EIF4E3: variants seen among roughly 807,000 people sequenced by gnomAD.
EIF4E3 encodes eukaryotic translation initiation factor 4E type 3.
In EIF4E3, 26 loss-of-function variants were observed where a neutral mutation model predicts 31.7. The observed-to-expected ratio is 0.82, with a 90% confidence interval of 0.60 to 1.14. The LOEUF is 1.14. Ranked by LOEUF, EIF4E3 falls within the 50% of genes most tolerant of loss-of-function variation. The probability of loss-of-function intolerance (pLI) is 0.00; values close to 1 mark genes in which losing one functional copy is unlikely to be tolerated. For synonymous variants in EIF4E3, 128 were observed against 107.7 expected, an observed-to-expected ratio of 1.19 and a Z score of -1.17; for missense variants, 304 against 270.9, an observed-to-expected ratio of 1.12 and a Z score of -0.86.
intron 1 of EIF4E3, 63 bp from the exon 2 acceptor site, chr3:71,710,547 C>T (rs2049363586): frequency 6.7e-7 from 1 of 1,487,130 alleles, no homozygotes; most frequent in Non-Finnish European, 9.2e-7. Flanking sequence ...CACAAAACAG[C>T]CCACAGTAGA....
intron 1 of EIF4E3, among the ~76,000 whole-genome samples, chr3:71,735,694 C>T (rs2049755653): frequency 6.6e-6 from 1 of 151,822 alleles, no homozygotes; most frequent in Non-Finnish European, 1.5e-5. Context: ...CATGAAGGGC[C>T]CATGAAGTCA....
intron 4 of EIF4E3, among the ~76,000 whole-genome samples, chr3:71,695,872 T>C (rs2049128999): frequency 6.6e-6 from 1 of 152,222 alleles, no homozygotes; most frequent in South Asian, 2.1e-4. Context: ...TAAGATGAAT[T>C]AGAGCTCACT....
At chr3:71,731,682 C>A (rs777743991) in intron 1 of EIF4E3, among the ~76,000 whole-genome samples, 2 of 152,194 alleles carry the variant, frequency 1.3e-5, no homozygotes. Flanking sequence ...CTCCTAATTT[C>A]TTGTCTTTCT....
At chr3:71,703,248 G>A (rs78730707) in intron 2 of EIF4E3, among the ~76,000 whole-genome samples, 2,435 of 152,268 alleles carry the variant, frequency 0.016, 40 homozygotes, top group African/African-American at 0.037. Context: ...GAATGCAGGA[G>A]GGTCAGCTTT....
At chr3:71,711,275 A>T (rs1449218583) in intron 1 of EIF4E3, among the ~76,000 whole-genome samples, 2 of 152,222 alleles carry the variant, frequency 1.3e-5, no homozygotes, top group Admixed American at 1.3e-4. Context: ...ATATTGAATT[A>T]GCAGTTCATG....
At position 71,675,664 on chromosome 3, in the gene EIF4E3, T is replaced by C. The variant is rs2048869834; in HGVS notation, c.*9018A>G. Reference sequence around the variant, plus strand: ...AACTACTTGTGTGACCTTGAACGAATTCTTTATACTTTCTGGGTCATTTCT... The same window carrying C: ...AACTACTTGTGTGACCTTGAACGAACTCTTTATACTTTCTGGGTCATTTCT... On this transcript the variant is annotated 3_prime_UTR_variant, in exon 7 of 7. Coordinates refer to ENST00000425534, the MANE Select transcript of EIF4E3 (RefSeq NM_001134651.2). 1 of 152,226 alleles carries C rather than the reference T, an allele frequency of 6.6e-6. No homozygotes were observed. The allele number at this position is 152,226 out of a possible 1,614,324, so 9.4% of individuals were successfully genotyped here. A position where few individuals can be genotyped will look rare whatever the true frequency, so the allele number is the denominator to read the frequency against.
chr3:71,666,560 T>C, the EIF4E3 span, among the ~76,000 whole-genome samples: 8 of 151,564 alleles, frequency 5.3e-5, no homozygotes, highest in African/African-American at 1.2e-4. Context: ...TTCCAAACAA[T>C]AGAAAAAAAG....
intron 1 of EIF4E3, among the ~76,000 whole-genome samples, chr3:71,743,594 AT>A (rs2049842440): frequency 6.6e-6 from 1 of 152,196 alleles, no homozygotes; most frequent in Non-Finnish European, 1.5e-5. Context: ...AGTAGGCTTT[AT>A]CATAGAATTA....
intron 1 of EIF4E3, among the ~76,000 whole-genome samples, chr3:71,738,207 T>G (rs2049782921): frequency 6.6e-6 from 1 of 152,172 alleles, no homozygotes; most frequent in African/African-American, 2.4e-5. Flanking sequence ...GAGTCTAGTT[T>G]CTCTAGCCAA....
chr3:71,710,602 G>A, intron 1 of EIF4E3, 118 bp from the exon 2 acceptor site: 1 of 892,912 alleles, frequency 1.1e-6, no homozygotes, highest in Non-Finnish European at 1.7e-6. Flanking sequence ...CCACAGGACT[G>A]GACATTTTGG....
upstream of EIF4E3, chr3:71,754,038 G>A (rs576804706): frequency 3.3e-6 from 4 of 1,222,606 alleles, no homozygotes; most frequent in Admixed American, 4.1e-5. This position sits in a 1 kb window ranked among gnomAD's most constrained non-coding sequence, Gnocchi z 5.8. Context: ...CGCACGGCCT[G>A]GTGAGGCCGC....
the EIF4E3 span, among the ~76,000 whole-genome samples, chr3:71,660,309 T>C: frequency 1.3e-5 from 2 of 151,488 alleles, no homozygotes; most frequent in Admixed American, 6.6e-5. Context: ...GTGATGACCA[T>C]CTGTGTATAA....
intron 1 of EIF4E3, among the ~76,000 whole-genome samples, chr3:71,738,919 A>G (rs1476857466): frequency 6.7e-6 from 1 of 149,422 alleles, no homozygotes; most frequent in African/African-American, 2.5e-5. Flanking sequence ...TAACAAATGT[A>G]AAATAAATCA....
downstream of EIF4E3, among the ~76,000 whole-genome samples, chr3:71,673,928 T>A (rs1313540387): frequency 6.3e-5 from 9 of 142,798 alleles, no homozygotes; most frequent in Admixed American, 2.3e-4. Flanking sequence ...TATATATATA[T>A]ATAAAAAACA....
chr3:71,711,436 G>A lies in EIF4E3; in HGVS notation c.177-952C>T, dbSNP rs149187672. On this transcript the variant is annotated intron_variant, in intron 1 of 6. Coordinates refer to ENST00000425534, the MANE Select transcript of EIF4E3 (RefSeq NM_001134651.2). ...AATCACAGCTGACCCACTAGGATCT[G>A]GAATCTATAAAAGCAATGCTCTTTA... is the stretch of plus-strand genomic sequence containing the variant. 1.2e-4 allele frequency among the ~76,000 whole-genome samples: 19 copies of A among 152,298 alleles called. No individual in the cohort carries two copies. The East Asian group carries it at 3.5e-3, about 28-fold the overall frequency.
chr3:71,708,830 C>T (rs780143302), intron 2 of EIF4E3, among the ~76,000 whole-genome samples: 51 of 152,274 alleles, frequency 3.3e-4, no homozygotes, highest in Middle Eastern at 3.4e-3. Flanking sequence ...AGACTCTTAG[C>T]GCGTTGATTT....
intron 1 of EIF4E3, among the ~76,000 whole-genome samples, chr3:71,748,076 C>T (rs541998331): frequency 5.9e-5 from 9 of 152,238 alleles, no homozygotes; most frequent in South Asian, 2.1e-4. Context: ...GAGAGGTTTA[C>T]GGCAAGGTGG....
At chr3:71,719,588 T>G (rs1394936641) in intron 1 of EIF4E3, among the ~76,000 whole-genome samples, 1 of 151,404 alleles carries the variant, frequency 6.6e-6, no homozygotes, top group Non-Finnish European at 1.5e-5. Flanking sequence ...TACCAGGCAC[T>G]GTAATGTGCA....
Position 71,683,395 on chromosome 3 carries a change from A to C in EIF4E3, c.*1287T>G, listed in dbSNP as rs956791341. On this transcript the variant is annotated 3_prime_UTR_variant, in exon 7 of 7. Transcript: ENST00000425534. ...CGTGACTCCAAAGCCGACTGGGGGA[A>C]GTGTCTTCAGATGGCCCTGCCCTTT... 2.0e-5 allele frequency: 3 copies of C among 152,250 alleles called. No individual in the cohort carries two copies. In the South Asian group the frequency reaches 6.2e-4, roughly 31 times the overall value. 9.4% of individuals were successfully genotyped at this position (152,250 alleles called of 1,614,324 possible). A position where few individuals can be genotyped will look rare whatever the true frequency, so the allele number is the denominator to read the frequency against.
Sources: gnomAD v4.1 joint callset for allele counts (sites outside exome capture counted in the v4.1 genomes callset) on GRCh38, gnomAD v4.1.1 for gene constraint, Gnocchi (gnomAD v3.1) non-coding constraint, MANE v1.5 for transcripts, NCBI Gene and HGNC (gene_info 2026-07-23, HGNC 2026-07-21) for gene names.